Variants in STIM1 observed in about 807,000 individuals in gnomAD.
STIM1 encodes stromal interaction molecule 1.
A neutral mutation model predicts 74.7 loss-of-function variants in STIM1; 25 were observed. The ratio of observed to expected loss-of-function variants is 0.33; its 90% CI spans 0.24 to 0.47. The LOEUF (loss-of-function observed/expected upper bound fraction) is 0.47. Among genes scored for constraint, STIM1 ranks in the 20% least tolerant of loss-of-function variants. STIM1 has a pLI of 1.00. For missense variants in STIM1, 728 were observed against 920.8 expected, an observed-to-expected ratio of 0.79 and a Z score of 2.71; for synonymous variants, 328 against 348.8, an observed-to-expected ratio of 0.94 and a Z score of 0.66.
At chr11:3,992,079 C>CTTT (rs2093619102) in intron 2 of STIM1, among the ~76,000 whole-genome samples, 7 of 100,166 alleles carry the variant, frequency 7.0e-5, no homozygotes, top group African/African-American at 2.3e-4. Flanking sequence ...TTGCCAACAT[C>CTTT]TGTTTTTTTG....
intron 1 of STIM1, among the ~76,000 whole-genome samples, chr11:3,872,523 C>CTTTT (rs574634847): frequency 3.1e-5 from 4 of 129,366 alleles, no homozygotes; most frequent in African/African-American, 5.6e-5. Context: ...TTCTTTTTTT[C>CTTTT]TTTTTTTTTT....
At chr11:4,017,066 C>G (rs2093905558) in intron 2 of STIM1, among the ~76,000 whole-genome samples, 1 of 152,224 alleles carries the variant, frequency 6.6e-6, no homozygotes, top group Non-Finnish European at 1.5e-5. Flanking sequence ...GGCTTGTCCT[C>G]CATGGGCTGC....
At chr11:3,910,941 G>A (rs954945439) in intron 1 of STIM1, among the ~76,000 whole-genome samples, 1 of 152,046 alleles carries the variant, frequency 6.6e-6, no homozygotes, top group Non-Finnish European at 1.5e-5. Flanking sequence ...AGCTGAGATC[G>A]CACCACCGCA....
At chr11:3,986,461 G>T (rs2093559014) in intron 2 of STIM1, among the ~76,000 whole-genome samples, 1 of 152,146 alleles carries the variant, frequency 6.6e-6, no homozygotes, top group African/African-American at 2.4e-5. Context: ...GATTAGAAAG[G>T]CAGGCTGTAG....
intron 1 of STIM1, among the ~76,000 whole-genome samples, chr11:3,932,531 G>A (rs1431005948): frequency 6.6e-6 from 1 of 151,882 alleles, no homozygotes; most frequent in Non-Finnish European, 1.5e-5. Context: ...GCGTGGTGGC[G>A]GGCACCTGTA....
intron 10 of STIM1, 128 bp from the exon 11 acceptor site, chr11:4,084,545 G>C (rs1040743545): frequency 1.7e-6 from 1 of 603,012 alleles, no homozygotes; most frequent in South Asian, 1.6e-5. Flanking sequence ...TCCAGGCTGG[G>C]AGGGACCTTA....
chr11:3,937,971 T>C (rs2092955938), intron 1 of STIM1, among the ~76,000 whole-genome samples: 1 of 151,714 alleles, frequency 6.6e-6, no homozygotes, highest in Non-Finnish European at 1.5e-5. Flanking sequence ...TCTTGCTTTG[T>C]TGCCCAGGCT....
Position 4,082,871 on chromosome 11 carries a change from C to T in STIM1, c.1138-11C>T, listed in dbSNP as rs2094472695. 6.8e-6 allele frequency: 11 copies of T among 1,613,082 alleles called. No individual in the cohort carries two copies. In the Middle Eastern group the frequency reaches 5.0e-4, roughly 73 times the overall value. ...CCTGCTCTTTTTGAGCTGGGGGCCT[C>T]ATCTTTGCAGGCTGAGAAGATAAAA... On this transcript the variant is annotated splice_polypyrimidine_tract_variant and intron_variant, in intron 8 of 12. Transcript: ENST00000526596.
intron 1 of STIM1, among the ~76,000 whole-genome samples, chr11:3,856,740 A>C (rs754216884): frequency 4.6e-5 from 7 of 152,194 alleles, no homozygotes; most frequent in Non-Finnish European, 8.8e-5. Flanking sequence ...GCCTGGTGAG[A>C]TGATAAGTTC....
chr11:3,959,505 ATAT>A (rs978218886), intron 1 of STIM1, among the ~76,000 whole-genome samples: 11 of 152,162 alleles, frequency 7.2e-5, no homozygotes, highest in South Asian at 2.1e-4. Context: ...GGTAGTGGTA[ATAT>A]TATAATGGGC....
At chr11:3,940,443 A>G (rs190710158) in intron 1 of STIM1, among the ~76,000 whole-genome samples, 1 of 152,258 alleles carries the variant, frequency 6.6e-6, no homozygotes, top group Non-Finnish European at 1.5e-5. Flanking sequence ...TATGCTTTAG[A>G]ACTGTAGGCC....
intron 7 of STIM1, among the ~76,000 whole-genome samples, chr11:4,075,603 A>C (rs1372640553): frequency 1.3e-5 from 2 of 152,148 alleles, no homozygotes; most frequent in Non-Finnish European, 2.9e-5. Flanking sequence ...TTGTATGAGT[A>C]TACTTTAATT....
Position 4,091,853 on chromosome 11 carries a change from C to T in STIM1, c.*55C>T, listed in dbSNP as rs2094527295. 1 of 1,595,194 alleles carries T rather than the reference C, an allele frequency of 6.3e-7. No homozygotes were observed. The highest frequency in any genetic ancestry group is 1.3e-5 in the African/African-American group (1 of 74,976). The stretch of plus-strand genomic sequence containing the variant: ...TTGTCCTTCCCTGGGTGTTCTGTCT[C>T]TCCTTCCCTCCCTTCCTTCAAGATA... On this transcript the variant is annotated 3_prime_UTR_variant, in exon 13 of 13. Transcript: ENST00000526596.
chr11:3,911,545 C>T (rs575813002), intron 1 of STIM1, among the ~76,000 whole-genome samples: 3 of 152,180 alleles, frequency 2.0e-5, no homozygotes, highest in East Asian at 3.9e-4. Flanking sequence ...CCACCATGCC[C>T]GGCTAACTTT....
chr11:3,919,405 A>G (rs77732489), intron 1 of STIM1, among the ~76,000 whole-genome samples: 1 of 151,720 alleles, frequency 6.6e-6, no homozygotes, highest in Admixed American at 6.6e-5. Flanking sequence ...GGGTTTCACC[A>G]TCTTGGCCAG....
chr11:4,066,346 G>T (rs1342063229), intron 5 of STIM1, among the ~76,000 whole-genome samples: 1 of 152,144 alleles, frequency 6.6e-6, no homozygotes, highest in African/African-American at 2.4e-5. Flanking sequence ...CCAGGAGCTG[G>T]CATTTGCCCT....
intron 1 of STIM1, among the ~76,000 whole-genome samples, chr11:3,914,875 A>G (rs1483457281): frequency 6.6e-6 from 1 of 152,112 alleles, no homozygotes; most frequent in African/African-American, 2.4e-5. Context: ...TCAGCAGTGT[A>G]TAAGGGGTTC....
intron 3 of STIM1, among the ~76,000 whole-genome samples, chr11:4,031,607 T>C (rs2094050950): frequency 6.6e-6 from 1 of 152,194 alleles, no homozygotes; most frequent in South Asian, 2.1e-4. Flanking sequence ...CGTGGTTTTA[T>C]TTTGTATTTG....
At chr11:4,091,123 C>G (rs561094645) in intron 12 of STIM1, among the ~76,000 whole-genome samples, 159 bp from the exon 13 acceptor site, 57 of 152,152 alleles carry the variant, frequency 3.7e-4, no homozygotes, top group African/African-American at 1.3e-3. Flanking sequence ...TCTCTCCTTC[C>G]CACCTGCCTG....
Sources: gnomAD v4.1 joint callset for allele counts (sites outside exome capture counted in the v4.1 genomes callset) on GRCh38, gnomAD v4.1.1 for gene constraint, MANE v1.5 for transcripts, NCBI Gene and HGNC (gene_info 2026-07-23, HGNC 2026-07-21) for gene names.